Variants in TRIP11 observed in about 807,000 individuals in gnomAD.
The protein encoded by TRIP11 is thyroid receptor-interacting protein 11.
A neutral mutation model predicts 223.1 loss-of-function variants in TRIP11; 148 were observed. That is an observed-to-expected ratio of 0.66 (90% CI 0.58 to 0.76). The LOEUF is 0.76. Among genes scored for constraint, TRIP11 ranks in the 30% least tolerant of loss-of-function variants. The pLI is 0.00. For missense variants in TRIP11, 2,043 were observed against 2,222.0 expected (o/e 0.92, Z 1.62); for synonymous variants, 762 against 772.6 (o/e 0.99, Z 0.23).
intron 13 of TRIP11, among the ~76,000 whole-genome samples, chr14:91,997,101 C>G (rs1324593053): frequency 6.6e-6 from 1 of 152,116 alleles, no homozygotes; most frequent in Non-Finnish European, 1.5e-5. Context: ...CTAAATTCAG[C>G]TCCCAAATAT....
Position 92,005,108 on chromosome 14 carries a change from C to G in TRIP11, c.2868G>C (p.Gln956His). ...TTTCCTCATCCTTCTCTAAAAAGAG[C>G]TGGGTGTGTGTGGCGTTCATTTGCT... The part of the protein sequence containing the change: ...QHEQMNATHT[Q>H]LFLEKDEEIK... Residue 956 changes from glutamine to histidine, a missense_variant, in exon 11 of 21, where the codon CAG becomes CAC. Coordinates refer to ENST00000267622, the MANE Select transcript of TRIP11 (RefSeq NM_004239.4). 6.2e-7 allele frequency: 1 copy of G among 1,613,628 alleles called. No individual in the cohort carries two copies. The highest frequency in any genetic ancestry group is 8.5e-7 in the Non-Finnish European group (1 of 1,180,028).
intron 13 of TRIP11, among the ~76,000 whole-genome samples, chr14:91,996,136 T>C (rs2056748027): frequency 1.3e-5 from 2 of 152,170 alleles, no homozygotes; most frequent in African/African-American, 2.4e-5. Context: ...TGAAACTCCA[T>C]ACCCATTAAA....
chr14:91,984,336 G>C (rs61988389), intron 16 of TRIP11, among the ~76,000 whole-genome samples: 1 of 122,652 alleles, frequency 8.2e-6, no homozygotes, highest in African/African-American at 3.3e-5. Context: ...TTTTTTTTGG[G>C]ACCAAGTTTC....
intron 15 of TRIP11, among the ~76,000 whole-genome samples, chr14:91,991,800 C>T (rs1340251129): frequency 1.3e-5 from 2 of 151,888 alleles, no homozygotes; most frequent in Non-Finnish European, 2.9e-5. Context: ...AAGCAAGTCT[C>T]AGCCGGGTGC....
intron 19 of TRIP11, among the ~76,000 whole-genome samples, chr14:91,973,437 A>G (rs1566842448): frequency 6.6e-6 from 1 of 152,212 alleles, no homozygotes; most frequent in Non-Finnish European, 1.5e-5. Flanking sequence ...TAGCCAACTG[A>G]TAATACTTAT....
intron 15 of TRIP11, among the ~76,000 whole-genome samples, chr14:91,988,865 T>C (rs1252939371): frequency 8.5e-5 from 13 of 152,170 alleles, no homozygotes; most frequent in Admixed American, 8.5e-4. Context: ...TGAAAACCTC[T>C]TTGCATACAT....
In TRIP11 at chr14:91,972,869, A is replaced by G; in HGVS notation, c.5575-8T>C. On this transcript the variant is annotated splice_polypyrimidine_tract_variant and splice_region_variant and intron_variant, in intron 19 of 20. Coordinates refer to ENST00000267622, the MANE Select transcript of TRIP11 (RefSeq NM_004239.4). ...AAAAAGTTCTGAAAAAGACTAAGAA[A>G]AAATATTTTGGTTATATTAGGCTAG... is the stretch of plus-strand genomic sequence containing the variant. 1 of 1,607,488 alleles carries G rather than the reference A, an allele frequency of 6.2e-7. No individual in the cohort carries two copies.
chr14:92,010,671 C>G (rs955242474), intron 9 of TRIP11, among the ~76,000 whole-genome samples: 8 of 152,014 alleles, frequency 5.3e-5, no homozygotes, highest in Admixed American at 1.3e-4. Context: ...TATGCTACTC[C>G]AGACCTCCTG....
chr14:92,029,300 T>A (rs1052093099), intron 2 of TRIP11, among the ~76,000 whole-genome samples: 49 of 132,596 alleles, frequency 3.7e-4, no homozygotes, highest in South Asian at 2.0e-3. Flanking sequence ...TTTTTTTTTT[T>A]TTTTTTTTTT....
At chr14:92,023,307 A>G (rs2057137775) in intron 3 of TRIP11, among the ~76,000 whole-genome samples, 1 of 152,244 alleles carries the variant, frequency 6.6e-6, no homozygotes, top group Admixed American at 6.5e-5. Context: ...TTCACATTTC[A>G]GGTATTTTCC....
intron 2 of TRIP11, among the ~76,000 whole-genome samples, chr14:92,026,133 T>C (rs1018272781): frequency 2.6e-5 from 4 of 152,200 alleles, no homozygotes; most frequent in Admixed American, 2.6e-4. Flanking sequence ...GAAATCTTTC[T>C]GGTTGAAGTA....
At chr14:92,022,819 A>G (rs911224687) in intron 3 of TRIP11, among the ~76,000 whole-genome samples, 4 of 152,198 alleles carry the variant, frequency 2.6e-5, no homozygotes, top group African/African-American at 9.6e-5. Context: ...ATGTCATAAC[A>G]AACAAGTTTT....
chr14:92,026,711 A>G, intron 2 of TRIP11: 2 of 1,024,146 alleles, frequency 2.0e-6, no homozygotes. Flanking sequence ...AATGAAGTAG[A>G]TGAAGAACAG....
chr14:92,011,775 T>C lies in TRIP11; in HGVS notation c.1207A>G (p.Arg403Gly), dbSNP rs1342644733. The stretch of plus-strand genomic sequence containing the variant: ...TTTACCTGGTTTAAACTACTCAATC[T>C]CATTATTTCATTTTCGGCATCTGTA... Reference protein sequence around the residue: ...ALSDAENEIMRLSSLNQDNSL... With the variant: ...ALSDAENEIMGLSSLNQDNSL... The change falls in exon 8 of 21, where the codon AGA becomes GGA. Residue 403 changes from arginine (R) to glycine (G), a missense_variant. Physicochemically the swap from Arg to Gly is moderately radical, Grantham distance 125. Coordinates refer to ENST00000267622, the MANE Select transcript of TRIP11 (RefSeq NM_004239.4). 1 of 1,612,050 alleles carries C rather than the reference T, an allele frequency of 6.2e-7. No individual in the cohort carries two copies. Among genetic ancestry groups the C allele is most frequent in the South Asian group, 1.1e-5 (1 of 91,052 alleles).
intron 4 of TRIP11, among the ~76,000 whole-genome samples, chr14:92,018,784 C>G (rs1010531327): frequency 1.3e-5 from 2 of 151,474 alleles, no homozygotes; most frequent in East Asian, 3.9e-4. Context: ...GGTGAAACCC[C>G]GTCACTATTA....
At chr14:91,973,124 C>A (rs1045473009) in intron 19 of TRIP11, among the ~76,000 whole-genome samples, 8 of 150,728 alleles carry the variant, frequency 5.3e-5, no homozygotes, top group Non-Finnish European at 1.2e-4. Flanking sequence ...CTCCCAGGTT[C>A]AAGTGATTCT....
chr14:91,990,128 C>T (rs1480337403), intron 15 of TRIP11, among the ~76,000 whole-genome samples: 1 of 152,154 alleles, frequency 6.6e-6, no homozygotes, highest in African/African-American at 2.4e-5. Flanking sequence ...TATACATACA[C>T]ACCCTACTGA....
chr14:92,004,035 G>A lies in TRIP11; in HGVS notation c.3941C>T (p.Pro1314Leu), dbSNP rs768945847. The A allele has an allele frequency of 3.1e-6, 5 of 1,614,060 alleles. No homozygotes were observed. The highest frequency in any genetic ancestry group is 2.2e-5 in the South Asian group (2 of 91,070). Residue 1314 changes from proline to leucine, a missense_variant, in exon 11 of 21, where the codon CCC (proline) becomes CTC (leucine). Transcript: ENST00000267622. ...AAGCAATGATGCAGAAGACAGCTGGGGTGAAATAATATCAAGTTTTCCTAA... is the reference window on the plus strand; with the variant it reads ...AAGCAATGATGCAGAAGACAGCTGGAGTGAAATAATATCAAGTTTTCCTAA... ...LLLGKLDIISPQLSSASLLTP... is the reference protein window; with the variant it reads ...LLLGKLDIISLQLSSASLLTP...
In TRIP11 at chr14:92,006,223, C is replaced by T; in HGVS notation, c.1753G>A (p.Val585Ile). 1.2e-6 allele frequency: 2 copies of T among 1,613,188 alleles called. No homozygotes were observed. The highest frequency in any genetic ancestry group is 1.7e-4 in the Middle Eastern group (1 of 6,054). ...TTTAGCTGATCTACTAAATTTTCTA[C>T]TTTGTCCTCAAGTTTCTGCTTGGTT... is the stretch of plus-strand genomic sequence containing the variant. The part of the protein sequence containing the change: ...HLTKQKLEDK[V>I]ENLVDQLNKS... Residue 585 changes from valine to isoleucine, a missense_variant, in exon 11 of 21, where the codon GTA becomes ATA. Val to Ile is a conservative substitution (Grantham distance 29, BLOSUM62 3). Coordinates refer to ENST00000267622, the MANE Select transcript of TRIP11 (RefSeq NM_004239.4).
Sources: gnomAD v4.1 joint callset for allele counts (sites outside exome capture counted in the v4.1 genomes callset) on GRCh38, gnomAD v4.1.1 for gene constraint, MANE v1.5 for transcripts, NCBI Gene and HGNC (gene_info 2026-07-23, HGNC 2026-07-21) for gene names.